The following NMT2 variants were observed in gnomAD, a reference collection of about 807,000 sequenced individuals.
NMT2 encodes glycylpeptide N-tetradecanoyltransferase 2.
NMT2 carries 35 observed loss-of-function variants against 65.4 expected under a neutral mutation model. That is an observed-to-expected ratio of 0.54 (90% CI 0.41 to 0.71). The LOEUF (loss-of-function observed/expected upper bound fraction) is 0.71. NMT2 is among the 30% of genes least tolerant of loss of function. NMT2 has a pLI of 0.00. For synonymous variants in NMT2, 226 were observed against 231.8 expected, an observed-to-expected ratio of 0.98 and a Z score of 0.23; for missense variants, 489 against 611.3, an observed-to-expected ratio of 0.80 and a Z score of 2.11.
At chr10:15,120,739 G>A (rs73604525) in intron 8 of NMT2, among the ~76,000 whole-genome samples, 11,345 of 152,218 alleles carry the variant, frequency 0.075, 749 homozygotes, top group African/African-American at 0.18. Flanking sequence ...ATCATATCAG[G>A]CTGGATGGGA....
chr10:15,138,474 G>A (rs1474040234), intron 2 of NMT2: 1 of 471,066 alleles, frequency 2.1e-6, no homozygotes, highest in South Asian at 1.5e-5. Flanking sequence ...GGCAAGGTGA[G>A]ATGAATATCT....
At chr10:15,154,953 A>G in intron 1 of NMT2, 1 of 1,106,250 alleles carries the variant, frequency 9.0e-7, no homozygotes, top group Non-Finnish European at 1.4e-6. Flanking sequence ...GGCAGTGCAG[A>G]TGAAAATCTG....
intron 8 of NMT2, among the ~76,000 whole-genome samples, chr10:15,125,726 G>T (rs1477420452): frequency 1.3e-5 from 2 of 152,126 alleles, no homozygotes; most frequent in East Asian, 3.9e-4. Flanking sequence ...GAGTGCAATG[G>T]CGTGATCTCA....
rs1846349196 is a variant in NMT2 at position 15,133,262 on chromosome 10, AGTCTAAAGT to A, written c.484_492del (p.Thr162_Asp164del). The A allele has an allele frequency of 6.2e-7, 1 of 1,613,934 alleles. No individual in the cohort carries two copies. The highest frequency in any genetic ancestry group is 8.5e-7 in the Non-Finnish European group (1 of 1,179,882). On this transcript the variant is annotated inframe_deletion, in exon 4 of 12. Coordinates refer to ENST00000378165, the MANE Select transcript of NMT2 (RefSeq NM_004808.3). The stretch of plus-strand genomic sequence containing the variant: ...TCACTCACCACTTCGGCATCACTCA[AGTCTAAAGT>A]GTCCCACATAAAACCCTGTGGCAAA...
At position 15,155,014 on chromosome 10, in the gene NMT2, C is replaced by A. The variant is rs1333411928; in HGVS notation, c.111-13457G>T. The A allele has an allele frequency of 3.4e-6, 4 of 1,192,822 alleles. No individual in the cohort carries two copies. The Admixed American group carries it at 5.1e-5, about 15-fold the overall frequency. 73.9% of individuals were successfully genotyped at this position (1,192,822 alleles called of 1,614,324 possible). A position where few individuals can be genotyped will look rare whatever the true frequency, so the allele number is the denominator to read the frequency against. The stretch of plus-strand genomic sequence containing the variant: ...TTTGCCATGGACAAGATGCCAGGAC[C>A]TGTATGCTTCATGGACAAGATGCCA... On this transcript the variant is annotated intron_variant, in intron 1 of 11. Transcript: ENST00000378165.
intron 2 of NMT2, among the ~76,000 whole-genome samples, chr10:15,137,818 C>T (rs1427445004): frequency 6.6e-6 from 1 of 152,090 alleles, no homozygotes; most frequent in Non-Finnish European, 1.5e-5. Context: ...AGACATGAAT[C>T]AGCATCTTTG....
chr10:15,131,560 CCT>C (rs756774940), intron 6 of NMT2, among the ~76,000 whole-genome samples: 1 of 152,106 alleles, frequency 6.6e-6, no homozygotes, highest in Non-Finnish European at 1.5e-5. Context: ...CCCTGGGACC[CCT>C]GAGAGGGGCT....
intron 9 of NMT2, among the ~76,000 whole-genome samples, chr10:15,116,471 C>A (rs984127943): frequency 6.6e-6 from 1 of 152,080 alleles, no homozygotes; most frequent in Non-Finnish European, 1.5e-5. Flanking sequence ...TTACTAGTAA[C>A]AGGGAAAGGT....
rs533662116 is a variant in NMT2 at position 15,162,318 on chromosome 10, T to A, written c.110+6185A>T. Among the ~76,000 whole-genome samples, 11 of 146,588 alleles carry A rather than the reference T, an allele frequency of 7.5e-5. No individual in the cohort carries two copies. In the East Asian group the frequency reaches 1.8e-3, roughly 24 times the overall value. ...AGAAAAAAAGAATGAAAACTAGACA[T>A]ATTCTACCAAAGACAGGAAATAAAA... On this transcript the variant is annotated intron_variant, in intron 1 of 11. Coordinates refer to ENST00000378165, the MANE Select transcript of NMT2 (RefSeq NM_004808.3).
At chr10:15,125,675 T>C (rs1399555980) in intron 8 of NMT2, among the ~76,000 whole-genome samples, 1 of 152,196 alleles carries the variant, frequency 6.6e-6, no homozygotes, top group African/African-American at 2.4e-5. Context: ...GTTATTTATT[T>C]AGTTATTTAT....
intron 1 of NMT2, among the ~76,000 whole-genome samples, chr10:15,158,946 C>A (rs1833095525): frequency 6.6e-6 from 1 of 152,190 alleles, no homozygotes; most frequent in African/African-American, 2.4e-5. Flanking sequence ...CCTCCAGACA[C>A]CATCACGTTG....
chr10:15,141,622 G>A, intron 1 of NMT2, 65 bp from the exon 2 acceptor site: 2 of 1,509,764 alleles, frequency 1.3e-6, no homozygotes, highest in Non-Finnish European at 8.9e-7. Context: ...AAATTGAATT[G>A]CATACAATTA....
At chr10:15,165,832 T>C (rs1284306770) in intron 1 of NMT2, among the ~76,000 whole-genome samples, 4 of 147,320 alleles carry the variant, frequency 2.7e-5, no homozygotes, top group African/African-American at 1.0e-4. Flanking sequence ...GAGCCGAGAT[T>C]GCACCACCGC....
At chr10:15,146,981 T>C (rs922358452) in intron 1 of NMT2, among the ~76,000 whole-genome samples, 17 of 151,552 alleles carry the variant, frequency 1.1e-4, no homozygotes, top group African/African-American at 4.1e-4. Context: ...TAGTCCCAGC[T>C]ACCTGGGAGG....
intron 8 of NMT2, among the ~76,000 whole-genome samples, chr10:15,123,384 C>G (rs1222601309): frequency 2.0e-5 from 3 of 151,814 alleles, no homozygotes; most frequent in Admixed American, 2.0e-4. Flanking sequence ...CAAAAATTAG[C>G]TGGGTGTGGT....
chr10:15,153,761 T>G (rs1588451294), intron 1 of NMT2, among the ~76,000 whole-genome samples: 5 of 152,176 alleles, frequency 3.3e-5, no homozygotes, highest in Middle Eastern at 3.4e-3. Context: ...ACCATTCTCC[T>G]GCCTCAGCCT....
At chr10:15,154,304 G>T (rs1161302180) in intron 1 of NMT2, among the ~76,000 whole-genome samples, 1 of 152,200 alleles carries the variant, frequency 6.6e-6, no homozygotes, top group African/African-American at 2.4e-5. Flanking sequence ...AGCAATAGGG[G>T]ACTAAATAAA....
intron 1 of NMT2, among the ~76,000 whole-genome samples, chr10:15,151,080 C>T (rs531459596): frequency 2.8e-4 from 36 of 128,652 alleles, no homozygotes; most frequent in Admixed American, 4.5e-4. Context: ...TTTTTGGAGA[C>T]GGAGTTTCAC....
chr10:15,107,268 G>C lies in NMT2; in HGVS notation c.*1927C>G. 1.2e-6 allele frequency: 1 copy of C among 844,810 alleles called. No individual in the cohort carries two copies. The highest frequency in any genetic ancestry group is 1.4e-6 in the Non-Finnish European group (1 of 701,808). 52.3% of individuals were successfully genotyped at this position (844,810 alleles called of 1,614,324 possible). ...GAAAATAAAAACATTCTTAGCCTGT[G>C]GGCTACACAAAAATAAGCAATGGGC... On this transcript the variant is annotated 3_prime_UTR_variant, in exon 12 of 12. Coordinates refer to ENST00000378165, the MANE Select transcript of NMT2 (RefSeq NM_004808.3).
Sources: gnomAD v4.1 joint callset for allele counts (sites outside exome capture counted in the v4.1 genomes callset) on GRCh38, gnomAD v4.1.1 for gene constraint, MANE v1.5 for transcripts, NCBI Gene and HGNC (gene_info 2026-07-23, HGNC 2026-07-21) for gene names.